SCG5: variants seen among roughly 807,000 people sequenced by gnomAD.
SCG5 encodes the protein secretogranin V.
In SCG5, 18 loss-of-function variants were observed where a neutral mutation model predicts 25.7. The ratio of observed to expected loss-of-function variants is 0.70; its 90% CI spans 0.48 to 1.04. SCG5 has a LOEUF of 1.04. Among genes scored for constraint, SCG5 ranks in the 50% least tolerant of loss-of-function variants. The pLI, the probability that SCG5 is intolerant of heterozygous loss-of-function variation, is 0.00. For synonymous variants in SCG5, 101 were observed against 91.7 expected, an observed-to-expected ratio of 1.10 and a Z score of -0.58; for missense variants, 206 against 259.8, an observed-to-expected ratio of 0.79 and a Z score of 1.42.
chr15:32,672,975 T>C (rs2054463152), intron 2 of SCG5: 1 of 151,542 alleles, frequency 6.6e-6, no homozygotes, highest in Admixed American at 6.6e-5. Context: ...TTTATGTTCT[T>C]AATTTCTGAC....
At chr15:32,644,580 G>A (rs1305567809) in intron 2 of SCG5, among the ~76,000 whole-genome samples, 1 of 152,124 alleles carries the variant, frequency 6.6e-6, no homozygotes, top group Non-Finnish European at 1.5e-5. Context: ...AGAGAATCTA[G>A]CTTCTATGAG....
At chr15:32,690,459 C>T (rs149008759) in intron 4 of SCG5, among the ~76,000 whole-genome samples, 1 of 152,328 alleles carries the variant, frequency 6.6e-6, no homozygotes, top group African/African-American at 2.4e-5. Context: ...CCTCATTCCT[C>T]AAGGAAATGA....
In SCG5 at chr15:32,667,042, G is replaced by T. The variant is rs184743165; in HGVS notation, c.227-12724G>T. On this transcript the variant is annotated intron_variant, in intron 2 of 5. Coordinates refer to ENST00000300175, the MANE Select transcript of SCG5 (RefSeq NM_001144757.3). ...CAGTATGCAAAAAAGAATATAAAAA[G>T]TCTCTTTGGCAATTCTTTATATCAA... Among the ~76,000 whole-genome samples the T allele has an allele frequency of 9.3e-4, 142 of 152,214 alleles. 1 individual carries two copies. Among genetic ancestry groups the T allele is most frequent in the Middle Eastern group, 6.8e-3 (2 of 294 alleles).
At chr15:32,676,257 G>T (rs2054528409) in intron 2 of SCG5, among the ~76,000 whole-genome samples, 1 of 152,126 alleles carries the variant, frequency 6.6e-6, no homozygotes, top group Non-Finnish European at 1.5e-5. Context: ...TAATCTGTCT[G>T]CTTAGTGCTA....
At chr15:32,669,745 G>A (rs895689937) in intron 2 of SCG5, among the ~76,000 whole-genome samples, 2 of 151,958 alleles carry the variant, frequency 1.3e-5, no homozygotes, top group Admixed American at 1.3e-4. Flanking sequence ...TTTTATTTTG[G>A]GGTTTTGTGT....
At chr15:32,696,444 T>C (rs1019259224) in intron 5 of SCG5, 70 bp from the exon 6 acceptor site, 2 of 1,110,978 alleles carry the variant, frequency 1.8e-6, no homozygotes, top group African/African-American at 3.1e-5. Flanking sequence ...TCATTTCTTT[T>C]CTGAGATGTC....
At chr15:32,672,564 TC>T (rs1363441270) in intron 2 of SCG5, among the ~76,000 whole-genome samples, 2 of 152,156 alleles carry the variant, frequency 1.3e-5, no homozygotes, top group Non-Finnish European at 2.9e-5. Flanking sequence ...ACACCGGAGA[TC>T]CCCTGAGTGA....
chr15:32,649,300 C>T (rs996820825), intron 2 of SCG5, among the ~76,000 whole-genome samples: 1 of 152,186 alleles, frequency 6.6e-6, no homozygotes, highest in Non-Finnish European at 1.5e-5. Flanking sequence ...CTGGATCTGT[C>T]AAGACTTTCT....
At chr15:32,656,507 C>A (rs1452987963) in intron 2 of SCG5, among the ~76,000 whole-genome samples, 1 of 152,214 alleles carries the variant, frequency 6.6e-6, no homozygotes. Flanking sequence ...ACAATCACAC[C>A]GCTTAAGCTT....
intron 2 of SCG5, among the ~76,000 whole-genome samples, chr15:32,675,670 G>A (rs933224327): frequency 1.3e-5 from 2 of 152,164 alleles, no homozygotes; most frequent in African/African-American, 4.8e-5. Flanking sequence ...TTGCTACAGG[G>A]AGTCTTCCGT....
rs140439958 is a variant in SCG5 at position 32,670,295 on chromosome 15, G to C, written c.227-9471G>C. On this transcript the variant is annotated intron_variant, in intron 2 of 5. Coordinates refer to ENST00000300175, the MANE Select transcript of SCG5 (RefSeq NM_001144757.3). ...GCCAGCCAGGGTGTCTGCCCTTGCC[G>C]GCTATGTGGGGCAGTCCCTGTGAGG... Among the ~76,000 whole-genome samples the C allele has an allele frequency of 4.6e-5, 7 of 152,356 alleles. No individual in the cohort carries two copies. The South Asian group carries it at 1.2e-3, about 27-fold the overall frequency.
At position 32,696,369 on chromosome 15, in the gene SCG5, G is replaced by T. The variant is rs183180021; in HGVS notation, c.544-145G>T. 39 of 556,098 alleles carry T rather than the reference G, an allele frequency of 7.0e-5. No individual in the cohort carries two copies. In the Middle Eastern group the frequency reaches 2.4e-3, roughly 34 times the overall value. The allele number at this position is 556,098 out of a possible 1,614,324, so 34.4% of individuals were successfully genotyped here. ...CCTGACCTCGTGATCTGCCCACCTC[G>T]GCCTCCCAAAGTGCTGGGATTACAG... On this transcript the variant is annotated intron_variant, in intron 5 of 5. Coordinates refer to ENST00000300175, the MANE Select transcript of SCG5 (RefSeq NM_001144757.3).
chr15:32,671,039 A>G (rs898494696), intron 2 of SCG5, among the ~76,000 whole-genome samples: 1 of 152,206 alleles, frequency 6.6e-6, no homozygotes, highest in East Asian at 1.9e-4. Flanking sequence ...TACATACAGT[A>G]TCCGATTTGT....
intron 2 of SCG5, among the ~76,000 whole-genome samples, chr15:32,660,813 A>G (rs951225434): frequency 9.9e-5 from 15 of 152,248 alleles, no homozygotes; most frequent in African/African-American, 3.1e-4. Flanking sequence ...AATATTGTAC[A>G]GCCAGTAATT....
chr15:32,669,913 A>G (rs916321800), intron 2 of SCG5, among the ~76,000 whole-genome samples: 4 of 152,218 alleles, frequency 2.6e-5, no homozygotes, highest in East Asian at 3.8e-4. Context: ...AAAGCAAGCA[A>G]TGCTTAAGCA....
intron 5 of SCG5, among the ~76,000 whole-genome samples, chr15:32,695,271 T>A (rs531861301): frequency 1.3e-3 from 198 of 152,260 alleles, no homozygotes; most frequent in African/African-American, 4.2e-3. Flanking sequence ...CACCTAGGCC[T>A]CCCAAAGTGC....
At chr15:32,679,948 G>T (rs759346618) in intron 3 of SCG5, 33 bp downstream of exon 3, 1 of 1,560,960 alleles carries the variant, frequency 6.4e-7, no homozygotes, top group Non-Finnish European at 8.7e-7. Flanking sequence ...CCCATGAAAA[G>T]TTGGGGCTTT....
chr15:32,688,181 A>G (rs1288996217), intron 4 of SCG5, among the ~76,000 whole-genome samples: 2 of 152,080 alleles, frequency 1.3e-5, no homozygotes, highest in African/African-American at 2.4e-5. Context: ...TGGTAGTCCT[A>G]TTGAGTCCTA....
At chr15:32,645,503 G>GC (rs1411527292) in intron 2 of SCG5, among the ~76,000 whole-genome samples, 1 of 152,214 alleles carries the variant, frequency 6.6e-6, no homozygotes, top group Non-Finnish European at 1.5e-5. Context: ...GTGCATCCCA[G>GC]CAGGTGTTTT....
Sources: allele counts gnomAD v4.1 joint callset (sites outside exome capture counted in the v4.1 genomes callset), GRCh38; gene constraint gnomAD v4.1.1; transcripts MANE v1.5; gene names NCBI Gene and HGNC (gene_info 2026-07-23, HGNC 2026-07-21).